Variants in IQCM observed in about 807,000 individuals in gnomAD.
The protein encoded by IQCM is IQ domain-containing protein M.
A neutral mutation model predicts 57.6 loss-of-function variants in IQCM; 45 were observed. The observed-to-expected ratio is 0.78, with a 90% CI of 0.62 to 1.00. IQCM has a LOEUF of 1.00. IQCM is among the 50% of genes least tolerant of loss of function. The probability of loss-of-function intolerance (pLI) is 0.00; values close to 1 mark genes in which losing one functional copy is unlikely to be tolerated. For synonymous variants in IQCM, 148 were observed against 158.9 expected (o/e 0.93, Z 0.51); for missense variants, 468 against 511.6 (o/e 0.91, Z 0.82).
chr4:149,360,372 T>C lies in IQCM; in HGVS notation c.1391-8306A>G, dbSNP rs1729387645. Among the ~76,000 whole-genome samples, 3 of 152,210 alleles carry C rather than the reference T, an allele frequency of 2.0e-5. No individual in the cohort carries two copies. In the South Asian group the frequency reaches 6.2e-4, roughly 32 times the overall value. ...AAGTATCCAAGAGGACAGGTGTATG[T>C]CATATGCAAATACTACATCATTTTT... On this transcript the variant is annotated intron_variant, in intron 13 of 13. Transcript: ENST00000636793.
intron 7 of IQCM, among the ~76,000 whole-genome samples, chr4:149,652,641 A>G (rs1028378596): frequency 6.6e-6 from 1 of 152,118 alleles, no homozygotes; most frequent in Non-Finnish European, 1.5e-5. Flanking sequence ...AAGAAAAAAA[A>G]ACATCATTTC....
chr4:149,677,275 G>A (rs1432083363), intron 7 of IQCM, among the ~76,000 whole-genome samples: 1 of 152,106 alleles, frequency 6.6e-6, no homozygotes, highest in African/African-American at 2.4e-5. Flanking sequence ...TCCAGCTCTG[G>A]AAACTGCTCT....
At chr4:149,688,075 A>G (rs1762677492) in intron 5 of IQCM, among the ~76,000 whole-genome samples, 1 of 151,964 alleles carries the variant, frequency 6.6e-6, no homozygotes, top group Non-Finnish European at 1.5e-5. Flanking sequence ...TTCCTCTTCA[A>G]TGTAATACTG....
intron 13 of IQCM, among the ~76,000 whole-genome samples, chr4:149,427,363 G>C (rs1734533674): frequency 6.6e-6 from 1 of 151,970 alleles, no homozygotes; most frequent in Admixed American, 6.6e-5. Flanking sequence ...AAGTTAAGCA[G>C]TATTGAGTGG....
intron 5 of IQCM, among the ~76,000 whole-genome samples, chr4:149,697,006 C>T (rs1348223429): frequency 6.6e-6 from 1 of 152,150 alleles, no homozygotes; most frequent in Non-Finnish European, 1.5e-5. Context: ...TGAAAAATCA[C>T]TTTCTCTGGT....
chr4:149,569,144 G>A (rs1035962532), intron 9 of IQCM, among the ~76,000 whole-genome samples: 37 of 152,158 alleles, frequency 2.4e-4, no homozygotes, highest in African/African-American at 7.2e-4. Flanking sequence ...CATGAGCCCA[G>A]GTCTGGACCA....
chr4:149,697,289 AC>A (rs1763413820), intron 5 of IQCM, among the ~76,000 whole-genome samples: 2 of 152,174 alleles, frequency 1.3e-5, no homozygotes, highest in South Asian at 4.1e-4. Context: ...GCTGATTTGT[AC>A]CCGTATTCAA....
At chr4:149,357,798 T>G (rs1177896143) in intron 13 of IQCM, among the ~76,000 whole-genome samples, 1 of 152,222 alleles carries the variant, frequency 6.6e-6, no homozygotes, top group Non-Finnish European at 1.5e-5. Flanking sequence ...TTCTGTTGAT[T>G]GGAATAGTTT....
intron 9 of IQCM, among the ~76,000 whole-genome samples, chr4:149,581,566 C>T (rs1003451519): frequency 6.6e-6 from 1 of 151,272 alleles, no homozygotes; most frequent in Non-Finnish European, 1.5e-5. Context: ...GAAAAGTTCT[C>T]GGGGTTTGTC....
At chr4:149,431,104 T>C (rs1291249859) in intron 13 of IQCM, among the ~76,000 whole-genome samples, 3 of 151,648 alleles carry the variant, frequency 2.0e-5, no homozygotes, top group Non-Finnish European at 4.4e-5. Context: ...TCTTGGGTGG[T>C]TGAGACACAA....
At chr4:149,366,084 A>G (rs1490599224) in intron 13 of IQCM, among the ~76,000 whole-genome samples, 1 of 152,076 alleles carries the variant, frequency 6.6e-6, no homozygotes, top group Non-Finnish European at 1.5e-5. Flanking sequence ...TCTTCTATAA[A>G]TCTAAAATTA....
chr4:149,519,854 A>G (rs1036278665), intron 12 of IQCM, among the ~76,000 whole-genome samples: 1 of 151,288 alleles, frequency 6.6e-6, no homozygotes, highest in African/African-American at 2.4e-5. Flanking sequence ...AATACAAAAA[A>G]AATAGCTGGG....
intron 5 of IQCM, among the ~76,000 whole-genome samples, chr4:149,732,963 C>T (rs1766598975): frequency 6.6e-6 from 1 of 152,134 alleles, no homozygotes; most frequent in African/African-American, 2.4e-5. Context: ...GTGAAATAAA[C>T]AGTCTCTGAG....
At chr4:149,356,257 C>G (rs549675876) in intron 13 of IQCM, among the ~76,000 whole-genome samples, 2 of 152,278 alleles carry the variant, frequency 1.3e-5, no homozygotes, top group Admixed American at 6.5e-5. Context: ...AATTAGATCC[C>G]ATTTGTCAAT....
intron 2 of IQCM, among the ~76,000 whole-genome samples, chr4:149,779,125 A>G (rs1331904772): frequency 6.6e-6 from 1 of 152,144 alleles, no homozygotes; most frequent in African/African-American, 2.4e-5. Context: ...AAAATTACAC[A>G]CCATGATCAA....
chr4:149,610,003 T>TA (rs1463772763), intron 8 of IQCM, among the ~76,000 whole-genome samples: 1 of 151,776 alleles, frequency 6.6e-6, no homozygotes, highest in African/African-American at 2.4e-5. Context: ...ACCAAAAAAA[T>TA]ATTAGAACTG....
chr4:149,488,849 G>A (rs2149770231), intron 12 of IQCM, among the ~76,000 whole-genome samples: 1 of 152,254 alleles, frequency 6.6e-6, no homozygotes, highest in African/African-American at 2.4e-5. Flanking sequence ...GGTAACATCA[G>A]CTGATAAATG....
chr4:149,483,961 G>T (rs1205104126), intron 12 of IQCM, among the ~76,000 whole-genome samples: 2 of 151,924 alleles, frequency 1.3e-5, no homozygotes, highest in African/African-American at 4.8e-5. Context: ...CAGTTTGGAT[G>T]CATATATATT....
At chr4:149,685,560 G>A (rs758278862) in intron 6 of IQCM, among the ~76,000 whole-genome samples, 1 of 151,362 alleles carries the variant, frequency 6.6e-6, no homozygotes, top group Non-Finnish European at 1.5e-5. Flanking sequence ...TAAGCACATA[G>A]CTCACAACTT....
Sources: gnomAD v4.1 joint callset for allele counts (sites outside exome capture counted in the v4.1 genomes callset) on GRCh38, gnomAD v4.1.1 for gene constraint, MANE v1.5 for transcripts, NCBI Gene and HGNC (gene_info 2026-07-23, HGNC 2026-07-21) for gene names.